EFCAB13: variants seen among roughly 807,000 people sequenced by gnomAD.
EFCAB13 encodes EF-hand calcium-binding domain-containing protein 13.
In EFCAB13, 91 loss-of-function variants were observed where a neutral mutation model predicts 110.2. The observed-to-expected ratio is 0.83, with a 90% confidence interval of 0.70 to 0.98. The LOEUF (loss-of-function observed/expected upper bound fraction) is 0.98, where lower values mean the gene tolerates loss of function less well. Among genes scored for constraint, EFCAB13 ranks in the 50% least tolerant of loss-of-function variants. The probability of loss-of-function intolerance (pLI) is 0.00; values close to 1 mark genes in which losing one functional copy is unlikely to be tolerated. For synonymous variants in EFCAB13, 323 were observed against 369.9 expected (o/e 0.87, Z 1.45); for missense variants, 968 against 1,119.4 (o/e 0.86, Z 1.93).
chr17:47,329,278 C>G (rs1290180669), intron 4 of EFCAB13, among the ~76,000 whole-genome samples: 1 of 151,956 alleles, frequency 6.6e-6, no homozygotes, highest in African/African-American at 2.4e-5. Flanking sequence ...AAGCCATTTT[C>G]CAGAACACAA....
intron 9 of EFCAB13, among the ~76,000 whole-genome samples, chr17:47,353,816 C>G (rs1233321880): frequency 6.6e-6 from 1 of 152,022 alleles, no homozygotes; most frequent in African/African-American, 2.4e-5. Context: ...TAGGATTTTC[C>G]TGGTTCTCTT....
intron 24 of EFCAB13, among the ~76,000 whole-genome samples, chr17:47,432,053 C>T (rs369639331): frequency 6.6e-6 from 1 of 152,054 alleles, no homozygotes; most frequent in Admixed American, 6.5e-5. Context: ...CTCAAGAGTT[C>T]GAGACTAGCC....
intron 6 of EFCAB13, among the ~76,000 whole-genome samples, 186 bp from the exon 7 acceptor site, chr17:47,343,976 A>T (rs943034464): frequency 3.9e-5 from 6 of 152,158 alleles, no homozygotes; most frequent in African/African-American, 1.4e-4. Context: ...AGAACATTGC[A>T]TAGTTTATTA....
chr17:47,384,185 T>G (rs1047086833), intron 14 of EFCAB13, among the ~76,000 whole-genome samples: 5 of 150,850 alleles, frequency 3.3e-5, no homozygotes, highest in African/African-American at 7.3e-5. Flanking sequence ...TTCCATTTGC[T>G]TGGTGAATAG....
intron 20 of EFCAB13, among the ~76,000 whole-genome samples, chr17:47,408,843 T>C (rs1567801978): frequency 6.6e-6 from 1 of 152,046 alleles, no homozygotes; most frequent in Admixed American, 6.6e-5. Context: ...GATAATACCC[T>C]TGCCCCCCCC....
rs1457188853 is a variant in EFCAB13, at chr17:47,412,898, A to T, written c.2404A>T (p.Asn802Tyr). ...TGAGGAGGACTTCAATGAAGCCCTT[A>T]ACTGTTGTAACGTCAGTGGTGAGCA... ...LTEEDFNEALNCCNVSDNMEV... is the reference protein window; with the variant it reads ...LTEEDFNEALYCCNVSDNMEV... Residue 802 changes from asparagine (N) to tyrosine (Y), a missense_variant, in exon 22 of 25, where the codon AAC (asparagine) becomes TAC (tyrosine). By Grantham distance (143) the Asn-to-Tyr change is moderately radical. Transcript: ENST00000331493. 6.2e-7 allele frequency: 1 copy of T among 1,613,218 alleles called. No homozygotes were observed. The highest frequency in any genetic ancestry group is 8.5e-7 in the Non-Finnish European group (1 of 1,179,702).
intron 4 of EFCAB13, among the ~76,000 whole-genome samples, chr17:47,332,999 T>C (rs2065328662): frequency 6.6e-6 from 1 of 152,210 alleles, no homozygotes; most frequent in African/African-American, 2.4e-5. Flanking sequence ...TACTGTTTTC[T>C]GGAATGGCTG....
intron 17 of EFCAB13, among the ~76,000 whole-genome samples, chr17:47,399,984 C>T (rs1027073573): frequency 1.3e-5 from 2 of 152,030 alleles, no homozygotes; most frequent in African/African-American, 2.4e-5. Context: ...AATCCATAGG[C>T]GAAGAATTAG....
chr17:47,372,048 T>G (rs2065587693), intron 11 of EFCAB13, among the ~76,000 whole-genome samples: 1 of 152,184 alleles, frequency 6.6e-6, no homozygotes, highest in Admixed American at 6.5e-5. Context: ...ACATGGCACT[T>G]TATGTCTTTT....
chr17:47,436,507 A>G (rs999775374), intron 24 of EFCAB13, among the ~76,000 whole-genome samples: 2 of 151,818 alleles, frequency 1.3e-5, no homozygotes, highest in African/African-American at 4.8e-5. Flanking sequence ...GGAGAGTTGT[A>G]TTTTTCCAGG....
intron 20 of EFCAB13, among the ~76,000 whole-genome samples, chr17:47,408,962 T>C (rs2065819735): frequency 6.6e-6 from 1 of 152,204 alleles, no homozygotes; most frequent in Admixed American, 6.5e-5. Context: ...TTTTTATAGG[T>C]TATTTGTTTT....
intron 4 of EFCAB13, among the ~76,000 whole-genome samples, chr17:47,332,760 G>A (rs1470432697): frequency 1.3e-5 from 2 of 152,072 alleles, no homozygotes; most frequent in Admixed American, 1.3e-4. Flanking sequence ...CTTTTTAAAG[G>A]CTGTATGGTA....
chr17:47,397,318 A>G (rs532754780), intron 17 of EFCAB13, among the ~76,000 whole-genome samples: 4 of 152,206 alleles, frequency 2.6e-5, no homozygotes, highest in South Asian at 4.2e-4. Flanking sequence ...TCAGTGCTCA[A>G]TGGTGCCCAG....
intron 3 of EFCAB13, 145 bp downstream of exon 3, chr17:47,326,532 A>C (rs992892923): frequency 1.3e-5 from 2 of 152,194 alleles, no homozygotes; most frequent in African/African-American, 4.8e-5. Flanking sequence ...AAATAATTTT[A>C]AGAATGATAA....
At chr17:47,329,996 T>G (rs752316803) in intron 4 of EFCAB13, 2 of 152,194 alleles carry the variant, frequency 1.3e-5, no homozygotes, top group African/African-American at 4.8e-5. Flanking sequence ...AGAGATTCTC[T>G]CTAAACTTCC....
chr17:47,370,370 T>C (rs2065574841), intron 10 of EFCAB13, 67 bp from the exon 11 acceptor site: 2 of 1,077,016 alleles, frequency 1.9e-6, no homozygotes, highest in Non-Finnish European at 2.9e-6. Flanking sequence ...GTTTTCATAT[T>C]AGAATAGGAT....
chr17:47,393,852 T>C (rs1265227301), intron 15 of EFCAB13, among the ~76,000 whole-genome samples, 173 bp from the exon 16 acceptor site: 1 of 151,804 alleles, frequency 6.6e-6, no homozygotes, highest in African/African-American at 2.4e-5. Context: ...CGTTTACTTC[T>C]CTACTGTAAA....
intron 15 of EFCAB13, among the ~76,000 whole-genome samples, chr17:47,393,003 T>G (rs925176287): frequency 6.6e-6 from 1 of 152,182 alleles, no homozygotes; most frequent in Admixed American, 6.5e-5. Flanking sequence ...TATAGAAGTT[T>G]TCCACATGAA....
chr17:47,404,026 G>A lies in EFCAB13; in HGVS notation c.2161+5G>A. On this transcript the variant is annotated splice_donor_5th_base_variant and intron_variant, in intron 19 of 24. Coordinates refer to ENST00000331493, the MANE Select transcript of EFCAB13 (RefSeq NM_152347.5). ...TTCAATCAGATTTTGTTTCTGGTAA[G>A]CATTTTAAATATTACTCTCAGGTTT... 1.9e-6 allele frequency: 3 copies of A among 1,582,518 alleles called. No individual in the cohort carries two copies. Among genetic ancestry groups the A allele is most frequent in the South Asian group, 1.2e-5 (1 of 84,338 alleles).
Sources: allele counts gnomAD v4.1 joint callset (sites outside exome capture counted in the v4.1 genomes callset), GRCh38; gene constraint gnomAD v4.1.1; transcripts MANE v1.5; gene names NCBI Gene and HGNC (gene_info 2026-07-23, HGNC 2026-07-21).